Variants in TBL1XR1 observed in about 807,000 individuals in gnomAD.
TBL1XR1 encodes the protein TBL1X/Y related 1.
Under a neutral mutation model 66.9 loss-of-function variants are expected in TBL1XR1, and 5 were observed. The ratio of observed to expected loss-of-function variants is 0.07; its 90% CI spans 0.04 to 0.16. TBL1XR1 has a LOEUF of 0.16. TBL1XR1 is among the 10% of genes least tolerant of loss of function. TBL1XR1 has a pLI of 1.00. For missense variants in TBL1XR1, 238 were observed against 623.2 expected (o/e 0.38, Z 6.58); for synonymous variants, 210 against 206.0 (o/e 1.02, Z -0.17).
chr3:177,063,311 G>C (rs1718755181), intron 3 of TBL1XR1, among the ~76,000 whole-genome samples: 1 of 152,146 alleles, frequency 6.6e-6, no homozygotes, highest in Admixed American at 6.6e-5. Context: ...CGACAAGGTA[G>C]TGCTGAGCTA....
At chr3:177,129,174 T>A (rs1232972602) in intron 1 of TBL1XR1, among the ~76,000 whole-genome samples, 4 of 152,228 alleles carry the variant, frequency 2.6e-5, no homozygotes, top group Non-Finnish European at 5.9e-5. Context: ...TATTATACTT[T>A]TTTTAAAAAT....
chr3:177,191,875 G>A (rs34009969), intron 1 of TBL1XR1, among the ~76,000 whole-genome samples: 14,647 of 151,586 alleles, frequency 0.097, 1,491 homozygotes, highest in East Asian at 0.49. Context: ...AGGCCGAGAC[G>A]GGCGGTCAGG....
At chr3:177,089,831 C>T (rs1475586517) in intron 2 of TBL1XR1, among the ~76,000 whole-genome samples, 1 of 152,058 alleles carries the variant, frequency 6.6e-6, no homozygotes, top group Non-Finnish European at 1.5e-5. Context: ...AAAAGATATG[C>T]AAACAGTTCT....
At chr3:177,053,692 A>G in intron 4 of TBL1XR1, 81 bp downstream of exon 4, 1 of 1,356,874 alleles carries the variant, frequency 7.4e-7, no homozygotes, top group Admixed American at 2.0e-5. Flanking sequence ...AAGTCAGAAT[A>G]CTGAATAAGC....
At position 177,038,760 on chromosome 3, in the gene TBL1XR1, A is replaced by G. The variant is rs142133633; in HGVS notation, c.926-326T>C. ...AAATGATAAAATTAAATGTGATGATATCATGCTTTTCATTTCTAAAATCTG... is the reference window on the plus strand; with the variant it reads ...AAATGATAAAATTAAATGTGATGATGTCATGCTTTTCATTTCTAAAATCTG... On this transcript the variant is annotated intron_variant, in intron 10 of 15. Coordinates refer to ENST00000457928, the MANE Select transcript of TBL1XR1 (RefSeq NM_024665.7). 1.2e-4 allele frequency among the ~76,000 whole-genome samples: 18 copies of G among 152,310 alleles called. No individual in the cohort carries two copies. The East Asian group carries it at 3.5e-3, about 29-fold the overall frequency.
intron 2 of TBL1XR1, among the ~76,000 whole-genome samples, chr3:177,077,695 C>T (rs866097076): frequency 1.3e-5 from 2 of 152,156 alleles, no homozygotes; most frequent in Non-Finnish European, 2.9e-5. Context: ...CAAATTTCCA[C>T]TTTTCTGCTT....
intron 2 of TBL1XR1, among the ~76,000 whole-genome samples, chr3:177,068,327 T>C (rs1419649507): frequency 3.3e-5 from 5 of 152,222 alleles, no homozygotes; most frequent in South Asian, 2.1e-4. Context: ...CAATCACTTA[T>C]AGGCAATCAA....
chr3:177,081,170 T>C (rs1320467771), intron 2 of TBL1XR1, among the ~76,000 whole-genome samples: 2 of 152,262 alleles, frequency 1.3e-5, no homozygotes, highest in East Asian at 1.9e-4. Context: ...TATCTCCTAA[T>C]ACGACATTCA....
intron 1 of TBL1XR1, among the ~76,000 whole-genome samples, chr3:177,178,404 C>G (rs570268292): frequency 4.6e-5 from 7 of 151,992 alleles, no homozygotes; most frequent in Non-Finnish European, 8.8e-5. Flanking sequence ...GAAAACTTGA[C>G]TTTACACAGT....
At chr3:177,072,843 C>T (rs1018349372) in intron 2 of TBL1XR1, among the ~76,000 whole-genome samples, 35 of 152,190 alleles carry the variant, frequency 2.3e-4, no homozygotes, top group Non-Finnish European at 4.3e-4. Context: ...GCGGGTGGAT[C>T]ACTTGAGGTC....
intron 1 of TBL1XR1, among the ~76,000 whole-genome samples, chr3:177,151,033 TAATA>T (rs1730823097): frequency 6.6e-6 from 1 of 152,164 alleles, no homozygotes; most frequent in Non-Finnish European, 1.5e-5. Flanking sequence ...AAGCCAGTAA[TAATA>T]AAAACACATA....
intron 13 of TBL1XR1, among the ~76,000 whole-genome samples, chr3:177,033,799 G>A (rs1714363425): frequency 6.6e-6 from 1 of 152,096 alleles, no homozygotes; most frequent in African/African-American, 2.4e-5. Flanking sequence ...TAGAGCTGGA[G>A]GCCATCATGC....
intron 1 of TBL1XR1, chr3:177,164,081 CCTT>C (rs1732535223): frequency 6.6e-6 from 1 of 152,146 alleles, no homozygotes; most frequent in Admixed American, 6.6e-5. Context: ...GATTATACGC[CCTT>C]CTTAACACCA....
chr3:177,081,242 G>A (rs1721351340), intron 2 of TBL1XR1, among the ~76,000 whole-genome samples: 1 of 152,134 alleles, frequency 6.6e-6, no homozygotes, highest in East Asian at 1.9e-4. Context: ...TAATATCAAT[G>A]TGTCTCTGTG....
At chr3:177,038,515 C>A in intron 10 of TBL1XR1, 81 bp from the exon 11 acceptor site, 1 of 1,323,542 alleles carries the variant, frequency 7.6e-7, no homozygotes, top group South Asian at 2.1e-5. Context: ...CCATTGTTGA[C>A]TAATAAAATA....
At chr3:177,035,031 GCCAA>G (rs1397461668) in intron 12 of TBL1XR1, among the ~76,000 whole-genome samples, 1 of 151,932 alleles carries the variant, frequency 6.6e-6, no homozygotes, top group Non-Finnish European at 1.5e-5. Context: ...CCCAAGGAGG[GCCAA>G]CCAAGAAAAA....
At chr3:177,034,136 T>C in intron 13 of TBL1XR1, 62 bp downstream of exon 13, 2 of 1,485,146 alleles carry the variant, frequency 1.3e-6, no homozygotes, top group Non-Finnish European at 1.8e-6. Context: ...ACTTCTGTCA[T>C]ATCTATTGGA....
chr3:177,054,581 T>C (rs948948851), intron 3 of TBL1XR1, among the ~76,000 whole-genome samples: 4 of 152,184 alleles, frequency 2.6e-5, no homozygotes, highest in Non-Finnish European at 4.4e-5. Context: ...TACATATAAA[T>C]TGTCAAACAT....
At chr3:177,054,613 A>G (rs1045375537) in intron 3 of TBL1XR1, among the ~76,000 whole-genome samples, 1 of 152,188 alleles carries the variant, frequency 6.6e-6, no homozygotes, top group African/African-American at 2.4e-5. Flanking sequence ...AGTATTTTGG[A>G]GCTCTTTGGA....
Sources: allele counts gnomAD v4.1 joint callset (sites outside exome capture counted in the v4.1 genomes callset), GRCh38; gene constraint gnomAD v4.1.1; transcripts MANE v1.5; gene names NCBI Gene and HGNC (gene_info 2026-07-23, HGNC 2026-07-21).